The following CD47 variants were observed in gnomAD, a reference collection of about 807,000 sequenced individuals.
CD47 encodes the protein CD47 molecule, also known as leukocyte surface antigen CD47.
A neutral mutation model predicts 44.6 loss-of-function variants in CD47; 11 were observed. The ratio of observed to expected loss-of-function variants is 0.25; its 90% CI spans 0.16 to 0.41. The LOEUF (loss-of-function observed/expected upper bound fraction) is 0.41, where lower values mean the gene tolerates loss of function less well. Among genes scored for constraint, CD47 ranks in the 10% least tolerant of loss-of-function variants. The probability of loss-of-function intolerance (pLI) is 1.00; values close to 1 mark genes in which losing one functional copy is unlikely to be tolerated. For missense variants in CD47, 306 were observed against 386.7 expected (o/e 0.79, Z 1.75); for synonymous variants, 140 against 136.3 (o/e 1.03, Z -0.19).
At chr3:108,049,750 C>T (rs1161397728) in intron 9 of CD47, 99 bp from the exon 10 acceptor site, 2 of 798,978 alleles carry the variant, frequency 2.5e-6, no homozygotes, top group East Asian at 2.5e-5. Context: ...AACTAGTCTA[C>T]AACTCTACAG....
chr3:108,088,764 A>G (rs1427300518), intron 1 of CD47, among the ~76,000 whole-genome samples: 1 of 152,244 alleles, frequency 6.6e-6, no homozygotes, highest in Non-Finnish European at 1.5e-5. Flanking sequence ...TAAACAAAGT[A>G]TAATTGTACA....
At position 108,060,782 on chromosome 3, in the gene CD47, A is replaced by G. The variant is rs766143148; in HGVS notation, c.561T>C (p.Thr187=). Residue 187 remains threonine (T), a synonymous_variant, in exon 4 of 11, where the codon ACT becomes ACC. Coordinates refer to ENST00000361309, the MANE Select transcript of CD47 (RefSeq NM_001777.4). ...IALLVAGLVI[T]VIVIVGAILF... is the part of the protein sequence containing the mutation. ...GAATGGCTCCAACAATGACAATGACAGTGATCACTAGTCCAGCAACAAGTA... is the reference window on the plus strand; with the variant it reads ...GAATGGCTCCAACAATGACAATGACGGTGATCACTAGTCCAGCAACAAGTA... The G allele has an allele frequency of 6.2e-7, 1 of 1,613,286 alleles. No homozygotes were observed. Among genetic ancestry groups the G allele is most frequent in the African/African-American group, 1.3e-5 (1 of 75,040 alleles).
chr3:108,080,076 A>T lies in CD47; in HGVS notation c.315T>A (p.Ala105=). The T allele has an allele frequency of 6.2e-7, 1 of 1,613,202 alleles. No individual in the cohort carries two copies. Among genetic ancestry groups the T allele is most frequent in the Non-Finnish European group, 8.5e-7 (1 of 1,179,280 alleles). ...DASLKMDKSD[A]VSHTGNYTCE... ...AAGTGTAGTTTCCTGTGTGTGAGAC[A>T]GCATCACTCTTATCCATCTTCAAAG... The change falls in exon 2 of 11, where the codon GCT becomes GCA. Residue 105 remains alanine (A), a synonymous_variant. Transcript: ENST00000361309.
chr3:108,051,248 C>A (rs528615342), intron 8 of CD47, among the ~76,000 whole-genome samples: 61 of 152,294 alleles, frequency 4.0e-4, no homozygotes, highest in African/African-American at 1.4e-3. Context: ...AAGCTAAGTA[C>A]AATATAATCC....
At chr3:108,077,248 G>T (rs946738445) in intron 2 of CD47, among the ~76,000 whole-genome samples, 1 of 152,146 alleles carries the variant, frequency 6.6e-6, no homozygotes, top group East Asian at 1.9e-4. Context: ...CTCAAAGTCC[G>T]TGACAAGTAA....
chr3:108,047,143 C>G lies in CD47; in HGVS notation c.*145G>C. On this transcript the variant is annotated 3_prime_UTR_variant, in exon 11 of 11. Coordinates refer to ENST00000361309, the MANE Select transcript of CD47 (RefSeq NM_001777.4). ...TGAATAAAAACTTAACTAACAATCACGTAAGGGTCTCATAGGTGACAACCA... is the reference window on the plus strand; with the variant it reads ...TGAATAAAAACTTAACTAACAATCAGGTAAGGGTCTCATAGGTGACAACCA... The G allele has an allele frequency of 1.9e-6, 1 of 525,522 alleles. No individual in the cohort carries two copies. The highest frequency in any genetic ancestry group is 3.4e-6 in the Non-Finnish European group (1 of 292,786). The allele number at this position is 525,522 out of a possible 1,614,324, so 32.6% of individuals were successfully genotyped here. A position where few individuals can be genotyped will look rare whatever the true frequency, so the allele number is the denominator to read the frequency against.
intron 7 of CD47, chr3:108,055,414 C>T: frequency 3.5e-6 from 2 of 575,228 alleles, no homozygotes; most frequent in Non-Finnish European, 5.5e-6. Flanking sequence ...AAATTTGCAA[C>T]CTTAATGTTA....
chr3:108,047,445 T>A (rs190000233), intron 10 of CD47, among the ~76,000 whole-genome samples, 153 bp from the exon 11 acceptor site: 2 of 152,320 alleles, frequency 1.3e-5, no homozygotes, highest in East Asian at 3.9e-4. Flanking sequence ...AGGCAAATCA[T>A]TAGCCTTTTT....
At chr3:108,090,801 C>A in intron 1 of CD47, 62 bp downstream of exon 1, 3 of 1,413,302 alleles carry the variant, frequency 2.1e-6, no homozygotes, top group Non-Finnish European at 2.8e-6. Context: ...TGGGGCGCAG[C>A]CCACACGCCC....
chr3:108,079,567 T>TAAAAAAAAAAA (rs71629342), intron 2 of CD47, among the ~76,000 whole-genome samples: 3 of 53,120 alleles, frequency 5.6e-5, no homozygotes, highest in East Asian at 1.0e-3. Context: ...AGTGTAAGGT[T>TAAAAAAAAAAA]AAAAAAAAAA....
At chr3:108,077,296 G>A (rs989346584) in intron 2 of CD47, among the ~76,000 whole-genome samples, 2 of 152,130 alleles carry the variant, frequency 1.3e-5, no homozygotes, top group African/African-American at 4.8e-5. Flanking sequence ...TCCATAGTAA[G>A]AGTCCTGCCC....
chr3:108,048,371 G>GT (rs146476512), intron 10 of CD47, among the ~76,000 whole-genome samples: 10,161 of 79,256 alleles, frequency 0.13, 2,337 homozygotes, highest in Non-Finnish European at 0.15. Flanking sequence ...TGACTGGAGT[G>GT]TTTTTTTTTT....
In CD47 at chr3:108,049,603, T is replaced by G. The variant is rs1280895809; in HGVS notation, c.967+16A>C. On this transcript the variant is annotated intron_variant, in intron 10 of 10. Coordinates refer to ENST00000361309, the MANE Select transcript of CD47 (RefSeq NM_001777.4). ...TTTTAACTGATCTATAATTATTAAG[T>G]GCATTTTATACTTACCATCATTCAT... The G allele has an allele frequency of 6.7e-7, 1 of 1,493,402 alleles. No homozygotes were observed. The highest frequency in any genetic ancestry group is 9.3e-7 in the Non-Finnish European group (1 of 1,070,530). 92.5% of individuals were successfully genotyped at this position (1,493,402 alleles called of 1,614,324 possible).
In CD47 at chr3:108,090,942, G is replaced by A. The variant is rs1178581497; in HGVS notation, c.-34C>T. 12 of 1,437,440 alleles carry A rather than the reference G, an allele frequency of 8.3e-6. No individual in the cohort carries two copies. The highest frequency in any genetic ancestry group is 1.1e-5 in the Non-Finnish European group (12 of 1,089,520). The allele number at this position is 1,437,440 out of a possible 1,614,324, so 89.0% of individuals were successfully genotyped here. A position where few individuals can be genotyped will look rare whatever the true frequency, so the allele number is the denominator to read the frequency against. ...CCGCCGCGGGGTCGCCGCCGCCGCC[G>A]CAGGTGTCCGGAGCAGCAGCCGCCG... On this transcript the variant is annotated 5_prime_UTR_variant, in exon 1 of 11. Transcript: ENST00000361309.
chr3:108,049,094 A>ATCTCTCTCTCTC (rs55708779), intron 10 of CD47, among the ~76,000 whole-genome samples: 2 of 129,294 alleles, frequency 1.5e-5, no homozygotes, highest in African/African-American at 2.9e-5. Flanking sequence ...AGGACGAAAC[A>ATCTCTCTCTCTC]TCTCTCTCTC....
In CD47 at chr3:108,060,077, C is replaced by T. The variant is rs529906866; in HGVS notation, c.599-533G>A. Among the ~76,000 whole-genome samples, 13 of 152,332 alleles carry T rather than the reference C, an allele frequency of 8.5e-5. No individual in the cohort carries two copies. In the South Asian group the frequency reaches 2.5e-3, roughly 29 times the overall value. On this transcript the variant is annotated intron_variant, in intron 4 of 10. Transcript: ENST00000361309. ...GCTACATATCCTCATTTCCCACTCACATTCCCATCCTCCAAATGCAACTGC... is the reference window on the plus strand; with the variant it reads ...GCTACATATCCTCATTTCCCACTCATATTCCCATCCTCCAAATGCAACTGC...
At chr3:108,069,787 A>G (rs1560010842) in intron 3 of CD47, among the ~76,000 whole-genome samples, 2 of 152,202 alleles carry the variant, frequency 1.3e-5, no homozygotes, top group Non-Finnish European at 2.9e-5. Context: ...CCCAAGTCAT[A>G]TGACTTAGCC....
intron 1 of CD47, among the ~76,000 whole-genome samples, 153 bp downstream of exon 1, chr3:108,090,710 C>T (rs2079617698): frequency 5.9e-5 from 9 of 152,152 alleles, no homozygotes; most frequent in Admixed American, 5.9e-4. Flanking sequence ...CCGTGGGGCC[C>T]TCCCACGTCT....
chr3:108,066,546 T>C (rs1481505577), intron 3 of CD47, among the ~76,000 whole-genome samples: 2 of 152,250 alleles, frequency 1.3e-5, no homozygotes, highest in African/African-American at 4.8e-5. Flanking sequence ...CTAGTCACTG[T>C]ACATCTGATA....
Sources: gnomAD v4.1 joint callset for allele counts (sites outside exome capture counted in the v4.1 genomes callset) on GRCh38, gnomAD v4.1.1 for gene constraint, MANE v1.5 for transcripts, NCBI Gene and HGNC (gene_info 2026-07-23, HGNC 2026-07-21) for gene names.